Variants in NDUFB1 observed in about 807,000 individuals in gnomAD.
NDUFB1 encodes NADH dehydrogenase [ubiquinone] 1 beta subcomplex subunit 1.
NDUFB1 carries 6 observed loss-of-function variants against 6.7 expected under a neutral mutation model. That is an observed-to-expected ratio of 0.89 (90% CI 0.49 to 1.76). NDUFB1 has a LOEUF of 1.76. Among genes scored for constraint, NDUFB1 ranks in the 40% most tolerant of loss-of-function variants. The pLI is 0.01. For synonymous variants in NDUFB1, 17 were observed against 22.9 expected (o/e 0.74, Z 0.74); for missense variants, 56 against 71.0 (o/e 0.79, Z 0.76).
Position 92,117,584 on chromosome 14 carries a change from A to T in NDUFB1, c.54T>A (p.Pro18=). ...VRDHWVHVLV[P]MGFVIGCYLD... ...AATAACATCCAATGACAAATCCCAT[A>T]GGGACAAGAACATGAACCCAGTGGT... The change falls in exon 2 of 3, where the codon CCT becomes CCA. Residue 18 remains proline, a synonymous_variant. Transcript: ENST00000605997. 6.2e-7 allele frequency: 1 copy of T among 1,614,096 alleles called. No homozygotes were observed. The highest frequency in any genetic ancestry group is 8.5e-7 in the Non-Finnish European group (1 of 1,179,954).
chr14:92,119,156 CAAAAAATT>C (rs911047717), intron 1 of NDUFB1, among the ~76,000 whole-genome samples: 6 of 151,166 alleles, frequency 4.0e-5, no homozygotes, highest in African/African-American at 1.5e-4. Flanking sequence ...TACAAAAAAT[CAAAAAATT>C]AGCTGGGTGT....
chr14:92,118,942 C>G (rs577421838), intron 1 of NDUFB1: 47 of 369,474 alleles, frequency 1.3e-4, no homozygotes, highest in Non-Finnish European at 2.2e-4. Context: ...CCACTACACT[C>G]CAGCCTGGGG....
At chr14:92,118,879 CAGG>C (rs2068733613) in intron 1 of NDUFB1, 2 of 239,890 alleles carry the variant, frequency 8.3e-6, no homozygotes, top group South Asian at 3.8e-5. Flanking sequence ...GAGGCTGAGG[CAGG>C]AGAATTGCTT....
At chr14:92,117,794 T>G (rs1243700529) in intron 1 of NDUFB1, 152 bp from the exon 2 acceptor site, 2 of 734,628 alleles carry the variant, frequency 2.7e-6, no homozygotes, top group Non-Finnish European at 4.5e-6. Flanking sequence ...GATTAGGAGT[T>G]CGAGACCAGC....
At chr14:92,120,255 T>C (rs1296680564) in intron 1 of NDUFB1, 1 of 152,090 alleles carries the variant, frequency 6.6e-6, no homozygotes, top group Non-Finnish European at 1.5e-5. Context: ...CCAACAAAAG[T>C]GCTTAGCACT....
chr14:92,116,549 G>A (rs1437674957), intron 2 of NDUFB1, among the ~76,000 whole-genome samples: 1 of 151,690 alleles, frequency 6.6e-6, no homozygotes, highest in Non-Finnish European at 1.5e-5. Flanking sequence ...TGGCCAGGCT[G>A]GTCTCGAACT....
chr14:92,121,008 A>T (rs1201879254), intron 1 of NDUFB1, among the ~76,000 whole-genome samples: 1 of 151,848 alleles, frequency 6.6e-6, no homozygotes, highest in Non-Finnish European at 1.5e-5. Flanking sequence ...TAAATATACA[A>T]AAAATTAGCC....
At chr14:92,116,262 A>G (rs1473183183) in intron 2 of NDUFB1, 33 bp from the exon 3 acceptor site, 1 of 1,592,612 alleles carries the variant, frequency 6.3e-7, no homozygotes, top group African/African-American at 1.3e-5. Flanking sequence ...AGAAATGGAA[A>G]AACTGTAAAT....
At chr14:92,118,987 A>G in intron 1 of NDUFB1, 1 of 350,888 alleles carries the variant, frequency 2.8e-6, no homozygotes, top group Non-Finnish European at 5.3e-6. Context: ...AAAAAAAGAA[A>G]GAAAAAAAAA....
chr14:92,117,823 C>A, intron 1 of NDUFB1, 181 bp from the exon 2 acceptor site: 1 of 599,612 alleles, frequency 1.7e-6, no homozygotes, highest in Non-Finnish European at 2.9e-6. Flanking sequence ...CATGGCAAAA[C>A]CCCATTTCTA....
At chr14:92,116,334 T>TTTC (rs2068717196) in intron 2 of NDUFB1, 105 bp from the exon 3 acceptor site, 3 of 700,908 alleles carry the variant, frequency 4.3e-6, no homozygotes, top group Non-Finnish European at 6.4e-6. Context: ...TCATTTTCTT[T>TTTC]TTTTTTTTTT....
intron 1 of NDUFB1, 119 bp downstream of exon 1, chr14:92,121,523 C>T: frequency 6.9e-7 from 1 of 1,440,920 alleles, no homozygotes; most frequent in South Asian, 1.2e-5. Context: ...TTCGGAAGCC[C>T]CGGGGAAGCC....
Position 92,121,685 on chromosome 14 carries a change from A to G in NDUFB1, c.-49T>C, listed in dbSNP as rs747287403. ...CAGCGACCCCGAGACCAAGGGCAAC[A>G]GGGAACTCAACCCGCGCCAGTGGAA... On this transcript the variant is annotated 5_prime_UTR_variant, in exon 1 of 3. Coordinates refer to ENST00000605997, the MANE Select transcript of NDUFB1 (RefSeq NM_004545.4). 2.2e-5 allele frequency: 35 copies of G among 1,613,464 alleles called. No individual in the cohort carries two copies. The highest frequency in any genetic ancestry group is 2.7e-5 in the African/African-American group (2 of 74,780).
intron 2 of NDUFB1, 128 bp from the exon 3 acceptor site, chr14:92,116,357 G>A (rs1195598609): frequency 2.1e-5 from 16 of 752,434 alleles, no homozygotes; most frequent in South Asian, 7.0e-5. Flanking sequence ...TTTTTGAGAC[G>A]AAGTCTGGCT....
chr14:92,117,644 T>G lies in NDUFB1; in HGVS notation c.-5-2A>C, dbSNP rs1288877652. Reference sequence around the variant, plus strand: ...TCTGAAGTAAGTTCACCATGATAGCTAAAAGAAAAAAAAATTATCAGAAAT... The same window carrying G: ...TCTGAAGTAAGTTCACCATGATAGCGAAAAGAAAAAAAAATTATCAGAAAT... On this transcript the variant is annotated splice_acceptor_variant, in intron 1 of 2. Transcript: ENST00000605997. LOFTEE classifies it low-confidence loss of function (5UTR_SPLICE). The G allele has an allele frequency of 1.2e-6, 2 of 1,605,012 alleles. No homozygotes were observed. Among genetic ancestry groups the G allele is most frequent in the Non-Finnish European group, 1.7e-6 (2 of 1,177,080 alleles).
At chr14:92,119,892 G>C (rs1048246369) in intron 1 of NDUFB1, among the ~76,000 whole-genome samples, 1 of 151,934 alleles carries the variant, frequency 6.6e-6, no homozygotes, top group East Asian at 1.9e-4. Context: ...CTTCTGAGAA[G>C]CTGGAGCTAC....
At position 92,118,834 on chromosome 14, in the gene NDUFB1, C is replaced by T. The variant is rs756582955; in HGVS notation, c.-5-1192G>A. ...ACTAAAAATACAAAAATTAGGTGGGCGTAGTGGCACATGCCTGTAGTCCCA... is the reference window on the plus strand; with the variant it reads ...ACTAAAAATACAAAAATTAGGTGGGTGTAGTGGCACATGCCTGTAGTCCCA... On this transcript the variant is annotated intron_variant, in intron 1 of 2. Coordinates refer to ENST00000605997, the MANE Select transcript of NDUFB1 (RefSeq NM_004545.4). 23 of 189,992 alleles carry T rather than the reference C, an allele frequency of 1.2e-4. No individual in the cohort carries two copies. The Middle Eastern group carries it at 7.2e-3, about 60-fold the overall frequency. 11.8% of individuals were successfully genotyped at this position (189,992 alleles called of 1,614,324 possible).
Position 92,121,368 on chromosome 14 carries a change from T to C in NDUFB1, c.-6+274A>G. 6 of 549,434 alleles carry C rather than the reference T, an allele frequency of 1.1e-5. No individual in the cohort carries two copies. The South Asian group carries it at 1.3e-4, about 12-fold the overall frequency. 34.0% of individuals were successfully genotyped at this position (549,434 alleles called of 1,614,324 possible). On this transcript the variant is annotated intron_variant, in intron 1 of 2. Transcript: ENST00000605997. ...GGATCCGGGCCGGTCTTCTCTCCAG[T>C]CCGGTTAGCGGGCGGTCACTGGGTC...
rs1596116067 is a variant in NDUFB1 at position 92,117,993 on chromosome 14, A to G, written c.-5-351T>C. On this transcript the variant is annotated intron_variant, in intron 1 of 2. Coordinates refer to ENST00000605997, the MANE Select transcript of NDUFB1 (RefSeq NM_004545.4). ...AGCCTGGGCGACAGAGCAAGACTCC[A>G]TCTCAATAAAATAAATAAATTGCAT... 7 of 250,260 alleles carry G rather than the reference A, an allele frequency of 2.8e-5. No homozygotes were observed. In the South Asian group the frequency reaches 3.4e-4, roughly 12 times the overall value. The allele number at this position is 250,260 out of a possible 1,614,324, so 15.5% of individuals were successfully genotyped here.
Sources: gnomAD v4.1 joint callset for allele counts (sites outside exome capture counted in the v4.1 genomes callset) on GRCh38, gnomAD v4.1.1 for gene constraint, MANE v1.5 for transcripts, NCBI Gene and HGNC (gene_info 2026-07-23, HGNC 2026-07-21) for gene names.